The following MCC variants were observed in gnomAD, a reference collection of about 807,000 sequenced individuals.
MCC encodes MCC regulator of Wnt signaling pathway.
In MCC, 90 loss-of-function variants were observed where a neutral mutation model predicts 116.2. The observed-to-expected ratio is 0.77, with a 90% CI of 0.65 to 0.92. The LOEUF is 0.92. Ranked by LOEUF, MCC falls within the 40% of genes least tolerant of loss-of-function variation. The probability of loss-of-function intolerance (pLI) is 0.00; values close to 1 mark genes in which losing one functional copy is unlikely to be tolerated. For missense variants in MCC, 1,516 were observed against 1,312.2 expected (o/e 1.16, Z -2.40); for synonymous variants, 578 against 510.5 (o/e 1.13, Z -1.78).
At chr5:113,068,038 C>G in intron 13 of MCC, 42 bp downstream of exon 13, 1 of 1,515,458 alleles carries the variant, frequency 6.6e-7, no homozygotes, top group Non-Finnish European at 9.2e-7. Context: ...GCAAAGGAGG[C>G]AGGGAGACAA....
At chr5:113,120,498 T>C (rs1243294550) in intron 6 of MCC, among the ~76,000 whole-genome samples, 1 of 152,208 alleles carries the variant, frequency 6.6e-6, no homozygotes, top group East Asian at 1.9e-4. Context: ...CCCACTGGCT[T>C]CCAGAATACC....
chr5:113,450,179 GT>G (rs1200793974), intron 1 of MCC, among the ~76,000 whole-genome samples: 4 of 152,114 alleles, frequency 2.6e-5, no homozygotes, highest in African/African-American at 9.7e-5. Context: ...TAGGGTGGAA[GT>G]TCACAGTTAA....
At chr5:113,222,769 C>T (rs899499429) in intron 3 of MCC, among the ~76,000 whole-genome samples, 4 of 152,164 alleles carry the variant, frequency 2.6e-5, no homozygotes, top group African/African-American at 9.7e-5. Context: ...GCTGGGAATG[C>T]AAAAGTGACC....
chr5:113,324,317 T>C (rs1236899043), intron 3 of MCC, among the ~76,000 whole-genome samples: 1 of 152,210 alleles, frequency 6.6e-6, no homozygotes, highest in East Asian at 1.9e-4. Context: ...GGTGTGGGCA[T>C]GATTTTTAAA....
rs191334408 is a variant in MCC at position 113,313,190 on chromosome 5, C to T, written c.627+27329G>A. ...TGAAACCCCGTCTCTACTAAAAATACCAAAAAATTAGCTGGGTGTGGTGGT... is the reference window on the plus strand; with the variant it reads ...TGAAACCCCGTCTCTACTAAAAATATCAAAAAATTAGCTGGGTGTGGTGGT... On this transcript the variant is annotated intron_variant, in intron 3 of 18. Transcript: ENST00000408903. Among the ~76,000 whole-genome samples, 74 of 151,894 alleles carry T rather than the reference C, an allele frequency of 4.9e-4. No individual in the cohort carries two copies. The East Asian group carries it at 0.014, about 28-fold the overall frequency.
intron 3 of MCC, among the ~76,000 whole-genome samples, chr5:113,257,379 G>C (rs988809111): frequency 1.1e-4 from 17 of 152,072 alleles, no homozygotes; most frequent in Non-Finnish European, 7.4e-5. Context: ...AGGAATAATG[G>C]GGCAGACGGA....
intron 3 of MCC, among the ~76,000 whole-genome samples, chr5:113,225,384 G>T (rs1763695575): frequency 6.6e-6 from 1 of 152,144 alleles, no homozygotes; most frequent in Non-Finnish European, 1.5e-5. Context: ...ACCTCTAAGA[G>T]CTCAGTGTCA....
rs545499193 is a variant in MCC at position 113,119,426 on chromosome 5, AG to A, written c.1027+3257del. On this transcript the variant is annotated intron_variant, in intron 6 of 18. Transcript: ENST00000408903. Reference sequence around the variant, plus strand: ...CCGAGGAAGGAGGGCTCCAGGCGGAAGGAACAGCCAGCACAGAGCCCCGGGC... The same window carrying A: ...CCGAGGAAGGAGGGCTCCAGGCGGAAGAACAGCCAGCACAGAGCCCCGGGC... Among the ~76,000 whole-genome samples, 18 of 152,330 alleles carry A rather than the reference AG, an allele frequency of 1.2e-4. No homozygotes were observed. The East Asian group carries it at 3.1e-3, about 26-fold the overall frequency.
At chr5:113,258,928 A>C (rs1765121453) in intron 3 of MCC, among the ~76,000 whole-genome samples, 2 of 152,242 alleles carry the variant, frequency 1.3e-5, no homozygotes, top group Non-Finnish European at 2.9e-5. Flanking sequence ...AACAGGCTAT[A>C]CAAGAACAAG....
Position 113,167,506 on chromosome 5 carries a change from A to C in MCC, c.628-16084T>G, listed in dbSNP as rs562926709. On this transcript the variant is annotated intron_variant, in intron 3 of 18. Transcript: ENST00000408903. ...CCCCAAAATAACAGGCTAGAGTGAA[A>C]AAGGGAAAGAGAATCACCACTTTAA... Among the ~76,000 whole-genome samples the C allele has an allele frequency of 6.6e-5, 10 of 152,344 alleles. 1 individual carries two copies. Among genetic ancestry groups the C allele is most frequent in the African/African-American group, 2.4e-4 (10 of 41,572 alleles).
chr5:113,408,872 T>C (rs1263917393), intron 1 of MCC, among the ~76,000 whole-genome samples: 1 of 152,218 alleles, frequency 6.6e-6, no homozygotes, highest in African/African-American at 2.4e-5. Context: ...GCAGATGGCC[T>C]AGCCTGTCCC....
intron 3 of MCC, among the ~76,000 whole-genome samples, chr5:113,251,358 T>C (rs763323501): frequency 6.6e-6 from 1 of 152,244 alleles, no homozygotes; most frequent in Non-Finnish European, 1.5e-5. Context: ...CATTCATTTG[T>C]GCTTGGAAAA....
chr5:113,266,162 T>C (rs975130601), intron 3 of MCC, among the ~76,000 whole-genome samples: 1 of 152,098 alleles, frequency 6.6e-6, no homozygotes, highest in African/African-American at 2.4e-5. Flanking sequence ...ATAACTATAT[T>C]ATTTTGGTCC....
intron 1 of MCC, among the ~76,000 whole-genome samples, chr5:113,485,263 T>G (rs1192393808): frequency 5.3e-5 from 8 of 152,160 alleles, no homozygotes; most frequent in African/African-American, 1.9e-4. Context: ...CTGTTTAGAA[T>G]GAGGGTTCAG....
intron 3 of MCC, among the ~76,000 whole-genome samples, chr5:113,261,329 G>T (rs555203687): frequency 4.6e-5 from 7 of 152,072 alleles, no homozygotes. Flanking sequence ...CTCAAAATAC[G>T]ATTTCTACTG....
chr5:113,229,858 G>A (rs1258788456), intron 3 of MCC, among the ~76,000 whole-genome samples: 1 of 152,238 alleles, frequency 6.6e-6, no homozygotes, highest in Non-Finnish European at 1.5e-5. Context: ...GCCTAGATGT[G>A]TAGTAAGTAG....
Position 113,459,130 on chromosome 5 carries a change from G to GAT in MCC, c.170+29113_170+29114dup, listed in dbSNP as rs1384757048. 7.2e-3 allele frequency among the ~76,000 whole-genome samples: 537 copies of GAT among 74,862 alleles called. 2 individuals are homozygous for GAT. Among genetic ancestry groups the GAT allele is most frequent in the Non-Finnish European group, 9.8e-3 (372 of 38,020 alleles). The allele number at this position is 74,862 out of a possible 152,430, so 49.1% of individuals were successfully genotyped here. A position where few individuals can be genotyped will look rare whatever the true frequency, so the allele number is the denominator to read the frequency against. On this transcript the variant is annotated intron_variant, in intron 1 of 18. Transcript: ENST00000408903. ...AATGAGGTCTCTGGGGAGGAGTAAG[G>GAT]ATATGTGTGTGTGTGTGTGTGTGTG...
chr5:113,153,588 G>T (rs76235999), intron 3 of MCC, among the ~76,000 whole-genome samples: 18,746 of 152,230 alleles, frequency 0.12, 1,552 homozygotes, highest in African/African-American at 0.24. Flanking sequence ...TATGTATGAG[G>T]TGAGAACAGA....
At chr5:113,369,131 C>T (rs1768775792) in intron 2 of MCC, among the ~76,000 whole-genome samples, 1 of 151,684 alleles carries the variant, frequency 6.6e-6, no homozygotes, top group Non-Finnish European at 1.5e-5. Context: ...TTTTAATGGA[C>T]ACTTCATTAC....
Sources: gnomAD v4.1 joint callset for allele counts (sites outside exome capture counted in the v4.1 genomes callset) on GRCh38, gnomAD v4.1.1 for gene constraint, MANE v1.5 for transcripts, NCBI Gene and HGNC (gene_info 2026-07-23, HGNC 2026-07-21) for gene names.